The following CNTNAP4 variants were observed in gnomAD, a reference collection of about 807,000 sequenced individuals.
CNTNAP4 encodes the protein contactin associated protein family member 4, also known as contactin-associated protein-like 4.
A neutral mutation model predicts 148.4 loss-of-function variants in CNTNAP4; 98 were observed. The observed-to-expected ratio is 0.66, with a 90% CI of 0.56 to 0.78. The LOEUF is 0.78. Among genes scored for constraint, CNTNAP4 ranks in the 30% least tolerant of loss-of-function variants. The probability of loss-of-function intolerance (pLI) is 0.00; values close to 1 mark genes in which losing one functional copy is unlikely to be tolerated. For synonymous variants in CNTNAP4, 730 were observed against 565.1 expected (o/e 1.29, Z -4.14); for missense variants, 1,935 against 1,565.6 (o/e 1.24, Z -3.98).
chr16:76,453,351 A>T (rs1675716485), intron 8 of CNTNAP4, among the ~76,000 whole-genome samples: 1 of 152,206 alleles, frequency 6.6e-6, no homozygotes. Context: ...TCTAGGCAAT[A>T]CGGTATTGTT....
chr16:76,410,965 G>A (rs2078771561), intron 3 of CNTNAP4, among the ~76,000 whole-genome samples: 1 of 151,354 alleles, frequency 6.6e-6, no homozygotes, highest in African/African-American at 2.4e-5. Context: ...GTGGTACTCA[G>A]GTAAATAAGA....
At chr16:76,285,134 G>A (rs1192778453) in intron 1 of CNTNAP4, among the ~76,000 whole-genome samples, 1 of 151,980 alleles carries the variant, frequency 6.6e-6, no homozygotes, top group East Asian at 1.9e-4. Flanking sequence ...TTGGTATTTG[G>A]AAGAGGAAGT....
In CNTNAP4 at chr16:76,402,717, C is replaced by T. The variant is rs919611076; in HGVS notation, c.391-24735C>T. On this transcript the variant is annotated intron_variant, in intron 3 of 23. Transcript: ENST00000611870. ...GTGCCATGAATTTTTGCCTTAGCTGCGTCCCAGAGATTCTGGTAGGTCGTA... is the reference window on the plus strand; with the variant it reads ...GTGCCATGAATTTTTGCCTTAGCTGTGTCCCAGAGATTCTGGTAGGTCGTA... Among the ~76,000 whole-genome samples the T allele has an allele frequency of 3.3e-5, 5 of 152,162 alleles. No individual in the cohort carries two copies. The East Asian group carries it at 5.8e-4, about 18-fold the overall frequency.
rs184646955 is a variant in CNTNAP4 at position 76,357,609 on chromosome 16, T to C, written c.390+2098T>C. On this transcript the variant is annotated intron_variant, in intron 3 of 23. Transcript: ENST00000611870. ...TGTGAGCTCTGTAAATACTGTACCT[T>C]GCGATCTTTTATCTCAATATCCCCA... 8.0e-4 allele frequency among the ~76,000 whole-genome samples: 122 copies of C among 152,332 alleles called. 1 individual carries two copies. The highest frequency in any genetic ancestry group is 3.4e-3 in the Middle Eastern group (1 of 294).
intron 15 of CNTNAP4, among the ~76,000 whole-genome samples, chr16:76,511,974 G>A (rs2083045031): frequency 6.6e-6 from 1 of 152,018 alleles, no homozygotes; most frequent in African/African-American, 2.4e-5. Flanking sequence ...TAAAGCTCAG[G>A]AAGAAGGTGG....
At chr16:76,436,817 G>A (rs1043281300) in intron 4 of CNTNAP4, among the ~76,000 whole-genome samples, 10 of 152,008 alleles carry the variant, frequency 6.6e-5, no homozygotes, top group African/African-American at 2.4e-4. Context: ...AGAGTCCTTA[G>A]CATTTTTGGG....
At chr16:76,283,508 G>T (rs1371616161) in intron 1 of CNTNAP4, among the ~76,000 whole-genome samples, 2 of 152,042 alleles carry the variant, frequency 1.3e-5, no homozygotes, top group African/African-American at 4.8e-5. Flanking sequence ...ATACTTTGTA[G>T]TGCCATGGAT....
intron 4 of CNTNAP4, among the ~76,000 whole-genome samples, chr16:76,430,421 A>G (rs1453953962): frequency 1.3e-5 from 2 of 152,168 alleles, no homozygotes; most frequent in Admixed American, 6.6e-5. Context: ...TGCTATCATC[A>G]CAAGTATCCT....
chr16:76,559,267 C>A lies in CNTNAP4; in HGVS notation c.*584C>A, dbSNP rs757360659. 2.0e-5 allele frequency: 3 copies of A among 152,102 alleles called. No individual in the cohort carries two copies. The highest frequency in any genetic ancestry group is 2.9e-5 in the Non-Finnish European group (2 of 68,022). The allele number at this position is 152,102 out of a possible 1,614,324, so 9.4% of individuals were successfully genotyped here. ...TGCTGTCTTTGCTTTGTTTGTATTGCTCATTATTCTATTTGTCTCTTCTTA... is the reference window on the plus strand; with the variant it reads ...TGCTGTCTTTGCTTTGTTTGTATTGATCATTATTCTATTTGTCTCTTCTTA... On this transcript the variant is annotated 3_prime_UTR_variant, in exon 24 of 24. Coordinates refer to ENST00000611870, the MANE Select transcript of CNTNAP4 (RefSeq NM_033401.5).
chr16:76,463,216 T>C (rs1280458930), intron 9 of CNTNAP4, among the ~76,000 whole-genome samples: 1 of 152,156 alleles, frequency 6.6e-6, no homozygotes, highest in Non-Finnish European at 1.5e-5. Context: ...TAGTAAGATA[T>C]ATAGAACAAC....
intron 3 of CNTNAP4, among the ~76,000 whole-genome samples, chr16:76,411,577 C>A (rs1041444630): frequency 1.3e-5 from 2 of 150,984 alleles, no homozygotes; most frequent in East Asian, 3.9e-4. Context: ...TATGTGATAT[C>A]TAAAATATGA....
chr16:76,495,834 AAT>A (rs1478826144), intron 14 of CNTNAP4, among the ~76,000 whole-genome samples: 1 of 152,110 alleles, frequency 6.6e-6, no homozygotes, highest in East Asian at 1.9e-4. Flanking sequence ...ATCTGGATGT[AAT>A]ATGAGTGATT....
At chr16:76,452,842 G>T in intron 8 of CNTNAP4, 73 bp downstream of exon 8, 1 of 1,319,508 alleles carries the variant, frequency 7.6e-7, no homozygotes, top group Non-Finnish European at 1.0e-6. Flanking sequence ...CAAATTTTAT[G>T]CATAACCAAA....
At chr16:76,325,484 A>G (rs376210006) in intron 2 of CNTNAP4, among the ~76,000 whole-genome samples, 1 of 152,178 alleles carries the variant, frequency 6.6e-6, no homozygotes, top group African/African-American at 2.4e-5. Flanking sequence ...GAATTCAGCT[A>G]GAAATCATTA....
intron 1 of CNTNAP4, among the ~76,000 whole-genome samples, chr16:76,278,918 C>T (rs1379721260): frequency 6.6e-6 from 1 of 152,174 alleles, no homozygotes; most frequent in Non-Finnish European, 1.5e-5. Context: ...TCAGAATGGG[C>T]TCATTTAATG....
At chr16:76,436,516 C>T (rs554102628) in intron 4 of CNTNAP4, among the ~76,000 whole-genome samples, 14 of 152,176 alleles carry the variant, frequency 9.2e-5, no homozygotes, top group African/African-American at 2.4e-4. Flanking sequence ...GACTCTGACT[C>T]GGGTCAGTCT....
chr16:76,555,183 T>C (rs577767726), intron 23 of CNTNAP4, among the ~76,000 whole-genome samples: 1 of 152,286 alleles, frequency 6.6e-6, no homozygotes, highest in South Asian at 2.1e-4. Context: ...CATATATTGC[T>C]TTCAAGTAGT....
chr16:76,476,945 A>G (rs8055443), intron 11 of CNTNAP4, among the ~76,000 whole-genome samples: 149,643 of 152,144 alleles, frequency 0.98, 73,632 homozygotes, highest in East Asian at 1. Context: ...TTAAATTATG[A>G]TGGTAGATAA....
At chr16:76,329,400 A>G (rs1963303995) in intron 2 of CNTNAP4, among the ~76,000 whole-genome samples, 1 of 152,172 alleles carries the variant, frequency 6.6e-6, no homozygotes, top group Admixed American at 6.5e-5. Context: ...AATACTTTCT[A>G]TTTGTTTATA....
Sources: allele counts gnomAD v4.1 joint callset (sites outside exome capture counted in the v4.1 genomes callset), GRCh38; gene constraint gnomAD v4.1.1; transcripts MANE v1.5; gene names NCBI Gene and HGNC (gene_info 2026-07-23, HGNC 2026-07-21).